SEMA3D: variants seen among roughly 807,000 people sequenced by gnomAD.
SEMA3D encodes the protein semaphorin 3D, also known as semaphorin-3D.
Under a neutral mutation model 100.1 loss-of-function variants are expected in SEMA3D, and 84 were observed. The ratio of observed to expected loss-of-function variants is 0.84; its 90% confidence interval spans 0.70 to 1.01. The LOEUF (loss-of-function observed/expected upper bound fraction) is 1.01, where lower values mean the gene tolerates loss of function less well. Among genes scored for constraint, SEMA3D ranks in the 50% least tolerant of loss-of-function variants. SEMA3D has a pLI of 0.00. For missense variants in SEMA3D, 875 were observed against 934.1 expected, an observed-to-expected ratio of 0.94 and a Z score of 0.82; for synonymous variants, 312 against 320.7, an observed-to-expected ratio of 0.97 and a Z score of 0.29.
chr7:85,181,052 C>A (rs1202011994), intron 1 of SEMA3D, among the ~76,000 whole-genome samples: 1 of 152,270 alleles, frequency 6.6e-6, no homozygotes, highest in Non-Finnish European at 1.5e-5. Context: ...GGTAAATTGT[C>A]ATTTTAATGC....
chr7:85,248,255 A>T, the SEMA3D span, among the ~76,000 whole-genome samples: 3 of 152,260 alleles, frequency 2.0e-5, no homozygotes, highest in East Asian at 3.9e-4. Context: ...AGTGAAATTC[A>T]CTTTAAAACA....
intron 2 of SEMA3D, chr7:85,151,671 G>T: frequency 1.0e-6 from 1 of 977,390 alleles, no homozygotes; most frequent in Non-Finnish European, 1.2e-6. Flanking sequence ...AGTGTATTTA[G>T]TACTATTTCT....
At chr7:85,167,329 T>A in intron 1 of SEMA3D, 1 of 983,672 alleles carries the variant, frequency 1.0e-6, no homozygotes, top group Non-Finnish European at 1.2e-6. Flanking sequence ...AGGGTGGTGA[T>A]GTTCTCATAG....
At chr7:85,026,705 T>C (rs558026496) in intron 12 of SEMA3D, among the ~76,000 whole-genome samples, 1 of 152,160 alleles carries the variant, frequency 6.6e-6, no homozygotes, top group East Asian at 1.9e-4. Context: ...AAACTCTTAC[T>C]TAATGGGATC....
the SEMA3D span, among the ~76,000 whole-genome samples, chr7:85,205,649 T>C: frequency 6.6e-6 from 1 of 152,142 alleles, no homozygotes; most frequent in Non-Finnish European, 1.5e-5. Context: ...CTTTTGCCTC[T>C]TTCCCCTAAA....
chr7:85,004,496 C>T (rs1789740234), intron 18 of SEMA3D, among the ~76,000 whole-genome samples: 1 of 152,098 alleles, frequency 6.6e-6, no homozygotes, highest in South Asian at 2.1e-4. Flanking sequence ...TAAACATCAT[C>T]AATTTTAAGA....
rs892729336 is a variant in SEMA3D, at chr7:85,099,531, A to G, written c.152-1566T>C. On this transcript the variant is annotated intron_variant, in intron 3 of 18. Transcript: ENST00000284136. ...AATGGACTAATACACATAGTTTTCAACTTTGTTGAGTAAATATTATACTAA... is the reference window on the plus strand; with the variant it reads ...AATGGACTAATACACATAGTTTTCAGCTTTGTTGAGTAAATATTATACTAA... Among the ~76,000 whole-genome samples the G allele has an allele frequency of 5.9e-5, 9 of 152,010 alleles. No homozygotes were observed. In the East Asian group the frequency reaches 1.2e-3, roughly 20 times the overall value.
chr7:85,007,156 A>G (rs1050249222), intron 17 of SEMA3D, among the ~76,000 whole-genome samples: 5 of 151,916 alleles, frequency 3.3e-5, no homozygotes, highest in African/African-American at 1.2e-4. Flanking sequence ...TTATTCTTTC[A>G]TCAATATATT....
the SEMA3D span, among the ~76,000 whole-genome samples, chr7:85,235,078 T>G: frequency 6.6e-6 from 1 of 152,194 alleles, no homozygotes; most frequent in African/African-American, 2.4e-5. Context: ...TATATAACTG[T>G]CCTAGCACTG....
chr7:85,222,609 C>CCCCAA, the SEMA3D span, among the ~76,000 whole-genome samples: 1 of 152,036 alleles, frequency 6.6e-6, no homozygotes, highest in South Asian at 2.1e-4. Flanking sequence ...ATATTAACCT[C>CCCCAA]CCCAACCTCA....
chr7:85,049,615 T>C (rs993555387), intron 9 of SEMA3D, among the ~76,000 whole-genome samples: 10 of 151,776 alleles, frequency 6.6e-5, no homozygotes, highest in African/African-American at 2.4e-4. Flanking sequence ...TCGTGGGCAC[T>C]AAATCTCTCA....
chr7:85,016,516 T>C (rs554457942), intron 15 of SEMA3D, among the ~76,000 whole-genome samples: 1 of 151,748 alleles, frequency 6.6e-6, no homozygotes, highest in East Asian at 2.0e-4. Flanking sequence ...CATTCTCTCA[T>C]ACAGAATTTT....
chr7:85,078,930 G>A (rs1240370938), intron 5 of SEMA3D, among the ~76,000 whole-genome samples: 1 of 152,098 alleles, frequency 6.6e-6, no homozygotes, highest in Non-Finnish European at 1.5e-5. Flanking sequence ...TTTTCTGTCC[G>A]CCAAAATCTA....
At chr7:85,162,559 A>G (rs1336195960) in intron 1 of SEMA3D, among the ~76,000 whole-genome samples, 1 of 152,168 alleles carries the variant, frequency 6.6e-6, no homozygotes, top group Admixed American at 6.6e-5. Flanking sequence ...AACTCATGCC[A>G]CAGTGAAAAA....
At chr7:85,160,032 A>T in intron 1 of SEMA3D, 3 of 952,284 alleles carry the variant, frequency 3.2e-6, no homozygotes, top group South Asian at 4.9e-5. Context: ...TGGATTAAAA[A>T]CTGAACTGTT....
At chr7:85,096,164 CT>C (rs1788545963) in intron 4 of SEMA3D, among the ~76,000 whole-genome samples, 1 of 151,882 alleles carries the variant, frequency 6.6e-6, no homozygotes, top group Non-Finnish European at 1.5e-5. Flanking sequence ...TCCTTGGCCA[CT>C]TTCATAAAAC....
intron 1 of SEMA3D, among the ~76,000 whole-genome samples, chr7:85,169,105 A>T (rs1030142006): frequency 6.6e-6 from 1 of 151,704 alleles, no homozygotes. Context: ...ATTAGAAAAA[A>T]ATTATTTTAT....
chr7:85,168,289 G>T (rs1336782331), intron 1 of SEMA3D, among the ~76,000 whole-genome samples: 2 of 151,776 alleles, frequency 1.3e-5, no homozygotes. Context: ...CCTTTCTACA[G>T]GCTAGTCAGA....
intron 3 of SEMA3D, among the ~76,000 whole-genome samples, chr7:85,108,986 CA>C (rs1399652051): frequency 6.6e-6 from 1 of 151,292 alleles, no homozygotes; most frequent in Non-Finnish European, 1.5e-5. Context: ...ACTTTCATTT[CA>C]AATATCTTTG....
Sources: gnomAD v4.1 joint callset for allele counts (sites outside exome capture counted in the v4.1 genomes callset) on GRCh38, gnomAD v4.1.1 for gene constraint, MANE v1.5 for transcripts, NCBI Gene and HGNC (gene_info 2026-07-23, HGNC 2026-07-21) for gene names.